Variants in PLCB4 observed in about 807,000 individuals in gnomAD.
PLCB4 encodes the protein phospholipase C beta 4.
In PLCB4, 77 loss-of-function variants were observed where a neutral mutation model predicts 178.8. The observed-to-expected ratio is 0.43, with a 90% CI of 0.36 to 0.52. PLCB4 has a LOEUF of 0.52. PLCB4 is among the 20% of genes least tolerant of loss of function. The pLI, the probability that PLCB4 is intolerant of heterozygous loss-of-function variation, is 0.00. For missense variants in PLCB4, 1,024 were observed against 1,453.4 expected (o/e 0.70, Z 4.80); for synonymous variants, 496 against 490.8 (o/e 1.01, Z -0.14).
chr20:9,415,420 A>G (rs1199690340), intron 25 of PLCB4, among the ~76,000 whole-genome samples: 1 of 152,236 alleles, frequency 6.6e-6, no homozygotes, highest in Non-Finnish European at 1.5e-5. Context: ...TTGCAGCTAA[A>G]TAAAATAATG....
intron 3 of PLCB4, among the ~76,000 whole-genome samples, chr20:9,300,853 C>G (rs1355074009): frequency 6.6e-6 from 1 of 152,052 alleles, no homozygotes; most frequent in Non-Finnish European, 1.5e-5. Context: ...TATGCATTTT[C>G]TGGGCTACTA....
chr20:9,192,298 T>G (rs1370480943), intron 2 of PLCB4, among the ~76,000 whole-genome samples: 1 of 152,168 alleles, frequency 6.6e-6, no homozygotes, highest in Non-Finnish European at 1.5e-5. Flanking sequence ...AGTTTTGTGA[T>G]GACTTAACCT....
intron 12 of PLCB4, among the ~76,000 whole-genome samples, chr20:9,373,931 A>G (rs2036460146): frequency 6.6e-6 from 1 of 152,194 alleles, no homozygotes; most frequent in African/African-American, 2.4e-5. Context: ...ACACATTAAT[A>G]AGAGTTTGAG....
chr20:9,220,364 C>T (rs1016058449), intron 3 of PLCB4, among the ~76,000 whole-genome samples: 5 of 152,316 alleles, frequency 3.3e-5, no homozygotes, highest in Admixed American at 1.3e-4. Context: ...AGACCGGGCA[C>T]GGTGGCTCAT....
intron 3 of PLCB4, among the ~76,000 whole-genome samples, chr20:9,223,221 G>T (rs1476094571): frequency 1.3e-5 from 2 of 152,136 alleles, no homozygotes; most frequent in Non-Finnish European, 2.9e-5. Context: ...CATGGGGCTG[G>T]AGTGTTACAT....
chr20:9,117,112 A>G (rs1343071308), intron 2 of PLCB4, among the ~76,000 whole-genome samples: 3 of 152,154 alleles, frequency 2.0e-5, no homozygotes, highest in East Asian at 1.9e-4. Flanking sequence ...AGAGAATTCT[A>G]TTATCTGTAG....
At chr20:9,174,760 T>G (rs1178030477) in intron 2 of PLCB4, among the ~76,000 whole-genome samples, 2 of 152,198 alleles carry the variant, frequency 1.3e-5, no homozygotes, top group Non-Finnish European at 2.9e-5. Flanking sequence ...CATTTTGAAC[T>G]TATGACTGTC....
chr20:9,407,267 C>T (rs144502203), intron 21 of PLCB4, among the ~76,000 whole-genome samples: 9 of 152,036 alleles, frequency 5.9e-5, no homozygotes, highest in African/African-American at 1.4e-4. Context: ...TTCTGATGCA[C>T]GCTAATGTTC....
chr20:9,120,418 G>A (rs971721411), intron 2 of PLCB4, among the ~76,000 whole-genome samples: 3 of 151,506 alleles, frequency 2.0e-5, no homozygotes, highest in African/African-American at 7.3e-5. Context: ...GTGAGCCACC[G>A]TACCCAGCCG....
chr20:9,437,754 G>A (rs773249201), intron 30 of PLCB4, among the ~76,000 whole-genome samples: 7 of 152,188 alleles, frequency 4.6e-5, no homozygotes, highest in Non-Finnish European at 7.3e-5. Context: ...ATGAGTCAAA[G>A]GAGTATTTGA....
chr20:9,142,742 C>A lies in PLCB4; in HGVS notation c.-79+46400C>A, dbSNP rs75171752. On this transcript the variant is annotated intron_variant, in intron 2 of 39. Transcript: ENST00000378473. ...TGGAGCTTGTCTGTTCCTGCTTGAG[C>A]CCTTGCCCATCTGCAGTCTGTTCTC... Among the ~76,000 whole-genome samples, 643 of 152,240 alleles carry A rather than the reference C, an allele frequency of 4.2e-3. 6 individuals are homozygous for A. Among genetic ancestry groups the A allele is most frequent in the African/African-American group, 0.015 (604 of 41,576 alleles).
At chr20:9,187,361 C>T (rs769558751) in intron 2 of PLCB4, among the ~76,000 whole-genome samples, 7 of 152,184 alleles carry the variant, frequency 4.6e-5, no homozygotes, top group Non-Finnish European at 8.8e-5. Flanking sequence ...TGCTCTAAAA[C>T]ATTTGCACAC....
At chr20:9,099,086 A>C (rs1266342898) in intron 2 of PLCB4, among the ~76,000 whole-genome samples, 6 of 152,040 alleles carry the variant, frequency 3.9e-5, no homozygotes, top group African/African-American at 1.4e-4. Context: ...TCTACTTTAT[A>C]CTACTACCAT....
At chr20:9,313,916 G>A (rs957199268) in intron 4 of PLCB4, among the ~76,000 whole-genome samples, 3 of 152,196 alleles carry the variant, frequency 2.0e-5, no homozygotes, top group African/African-American at 7.2e-5. Flanking sequence ...ATCTCCTTGT[G>A]GTGTGAGAGG....
rs1334595470 is a variant in PLCB4, at chr20:9,088,227, G to A, written c.-134-8060G>A. On this transcript the variant is annotated intron_variant, in intron 1 of 39. Coordinates refer to ENST00000378473, the MANE Select transcript of PLCB4 (RefSeq NM_001377142.1). ...CCTTATGAGGTGTTAGAGAGAGAAG[G>A]AAAGGGATCTGTTGAATTTTCTTTG... Among the ~76,000 whole-genome samples the A allele has an allele frequency of 2.7e-5, 4 of 149,278 alleles. No individual in the cohort carries two copies. The East Asian group carries it at 8.0e-4, about 30-fold the overall frequency.
At chr20:9,123,420 C>CT (rs11087837) in intron 2 of PLCB4, among the ~76,000 whole-genome samples, 111,992 of 144,304 alleles carry the variant, frequency 0.78, 43,615 homozygotes, top group East Asian at 0.93. Context: ...GAAATCTCCT[C>CT]TTTTTTTTTT....
At chr20:9,116,540 G>A (rs1057268283) in intron 2 of PLCB4, among the ~76,000 whole-genome samples, 1 of 152,152 alleles carries the variant, frequency 6.6e-6, no homozygotes, top group Non-Finnish European at 1.5e-5. Context: ...AGCAAGGTGC[G>A]CTGGACATAG....
At chr20:9,245,343 C>A (rs975505623) in intron 3 of PLCB4, among the ~76,000 whole-genome samples, 1 of 151,794 alleles carries the variant, frequency 6.6e-6, no homozygotes, top group African/African-American at 2.4e-5. Flanking sequence ...TGGGGGTAGG[C>A]CAAAAAAGGG....
At chr20:9,186,695 G>A (rs1299307891) in intron 2 of PLCB4, among the ~76,000 whole-genome samples, 1 of 152,100 alleles carries the variant, frequency 6.6e-6, no homozygotes, top group Non-Finnish European at 1.5e-5. Flanking sequence ...GTGTGGTCCA[G>A]GTCCACTTTG....
Sources: gnomAD v4.1 joint callset for allele counts (sites outside exome capture counted in the v4.1 genomes callset) on GRCh38, gnomAD v4.1.1 for gene constraint, MANE v1.5 for transcripts, NCBI Gene and HGNC (gene_info 2026-07-23, HGNC 2026-07-21) for gene names.